PCDHA2: variants seen among roughly 807,000 people sequenced by gnomAD.
PCDHA2 encodes protocadherin alpha-2.
In PCDHA2, 58 loss-of-function variants were observed where a neutral mutation model predicts 66.0. The observed-to-expected ratio is 0.88, with a 90% confidence interval of 0.71 to 1.09. The LOEUF is 1.09. PCDHA2 is among the 50% of genes least tolerant of loss of function. PCDHA2 has a pLI of 0.00. For synonymous variants in PCDHA2, 634 were observed against 554.0 expected (o/e 1.14, Z -2.03); for missense variants, 1,267 against 1,242.3 (o/e 1.02, Z -0.30).
At chr5:140,876,044 T>G in intron 1 of PCDHA2, 2 of 1,613,884 alleles carry the variant, frequency 1.2e-6, no homozygotes, top group Non-Finnish European at 1.7e-6. Context: ...AAAAGTATAT[T>G]GCCTGAATTA....
intron 1 of PCDHA2, among the ~76,000 whole-genome samples, chr5:140,826,768 T>TA (rs1769047468): frequency 6.6e-6 from 1 of 152,046 alleles, no homozygotes; most frequent in Non-Finnish European, 1.5e-5. Context: ...TATTGGAGAG[T>TA]AATTGAAAAT....
At chr5:140,962,077 G>T (rs2095655013) in intron 1 of PCDHA2, among the ~76,000 whole-genome samples, 1 of 151,866 alleles carries the variant, frequency 6.6e-6, no homozygotes, top group South Asian at 2.1e-4. Flanking sequence ...AGTAGAGACG[G>T]GGTTTCACCA....
rs2150457668 is a variant in PCDHA2 at position 140,849,921 on chromosome 5, A to T, written c.2388+52569A>T. The T allele has an allele frequency of 1.2e-5, 19 of 1,598,094 alleles. 1 individual carries two copies. Among genetic ancestry groups the T allele is most frequent in the Non-Finnish European group, 1.5e-5 (17 of 1,167,772 alleles). Reference sequence around the variant, plus strand: ...CAACCCGCCGGGCTGCCACATCTTCACGGTGTCTGCGCGGGACGCTGACGC... The same window carrying T: ...CAACCCGCCGGGCTGCCACATCTTCTCGGTGTCTGCGCGGGACGCTGACGC... On this transcript the variant is annotated intron_variant, in intron 1 of 3. Transcript: ENST00000526136.
intron 1 of PCDHA2, among the ~76,000 whole-genome samples, chr5:140,896,536 C>CTTTT (rs34213614): frequency 1.4e-5 from 2 of 145,620 alleles, no homozygotes; most frequent in Admixed American, 6.8e-5. Context: ...AGCTATTTTT[C>CTTTT]TTTTTTTTTT....
intron 1 of PCDHA2, chr5:140,966,824 A>G (rs1463208532): frequency 1.3e-6 from 2 of 1,559,876 alleles, no homozygotes; most frequent in Admixed American, 1.9e-5. Flanking sequence ...CCGGCGGCCC[A>G]TGCCCTGGCT....
rs1022293477 is a variant in PCDHA2, at chr5:140,841,242, T to C, written c.2388+43890T>C. 4.7e-6 allele frequency: 7 copies of C among 1,492,124 alleles called. No individual in the cohort carries two copies. The Admixed American group carries it at 6.7e-5, about 14-fold the overall frequency. The allele number at this position is 1,492,124 out of a possible 1,614,324, so 92.4% of individuals were successfully genotyped here. On this transcript the variant is annotated intron_variant, in intron 1 of 3. Transcript: ENST00000526136. ...CCGAACAACGGGAGATGCAGCGGAATTGGATTAAAAGACTCTGAAAGTACA... is the reference window on the plus strand; with the variant it reads ...CCGAACAACGGGAGATGCAGCGGAACTGGATTAAAAGACTCTGAAAGTACA...
At chr5:140,803,543 C>A (rs782432564) in intron 1 of PCDHA2, 25 of 1,614,074 alleles carry the variant, frequency 1.5e-5, no homozygotes, top group Non-Finnish European at 1.9e-5. Flanking sequence ...GTCCAATTAG[C>A]CGGGATAGAG....
chr5:140,870,972 G>A, intron 1 of PCDHA2: 2 of 1,613,640 alleles, frequency 1.2e-6, no homozygotes, highest in Non-Finnish European at 1.7e-6. Flanking sequence ...CGTTCCGCGT[G>A]GGGCTGTACA....
At chr5:140,835,997 C>G (rs2150249894) in intron 1 of PCDHA2, 18 of 1,613,302 alleles carry the variant, frequency 1.1e-5, no homozygotes, top group East Asian at 4.5e-5. Context: ...TGAGCGCGCG[C>G]GATGCGGGCG....
At chr5:140,803,750 T>A (rs1211633329) in intron 1 of PCDHA2, 2 of 1,306,462 alleles carry the variant, frequency 1.5e-6, no homozygotes, top group East Asian at 4.8e-5. Flanking sequence ...GTAAGATTTT[T>A]GTTGCTAATT....
intron 3 of PCDHA2, 123 bp from the exon 4 acceptor site, chr5:141,009,504 A>G: frequency 1.3e-6 from 2 of 1,497,074 alleles, no homozygotes; most frequent in Non-Finnish European, 1.8e-6. Flanking sequence ...ACTTGAACAA[A>G]CAACTCGTGA....
At chr5:140,973,208 C>T (rs2096576751) in intron 1 of PCDHA2, among the ~76,000 whole-genome samples, 1 of 152,170 alleles carries the variant, frequency 6.6e-6, no homozygotes, top group African/African-American at 2.4e-5. Flanking sequence ...TGCATATTCA[C>T]CCTAATTCCA....
chr5:140,985,650 A>G (rs2097162504), intron 3 of PCDHA2, among the ~76,000 whole-genome samples: 2 of 151,684 alleles, frequency 1.3e-5, no homozygotes, highest in South Asian at 4.2e-4. Context: ...AACACTTGCA[A>G]TGGCTGAATA....
intron 1 of PCDHA2, chr5:140,807,687 T>C (rs782423945): frequency 1.2e-6 from 2 of 1,614,228 alleles, no homozygotes; most frequent in Non-Finnish European, 1.7e-6. Flanking sequence ...GAGAACGCCC[T>C]GCTCACTTAC....
At chr5:140,959,499 C>T (rs2095491321) in intron 1 of PCDHA2, among the ~76,000 whole-genome samples, 1 of 151,982 alleles carries the variant, frequency 6.6e-6, no homozygotes. Flanking sequence ...ATGGATCAAA[C>T]TAAAAAATTT....
intron 1 of PCDHA2, among the ~76,000 whole-genome samples, chr5:140,805,996 G>A (rs1467365068): frequency 4.6e-5 from 7 of 152,040 alleles, no homozygotes; most frequent in African/African-American, 1.7e-4. Flanking sequence ...TTCCAAAAAA[G>A]GACACACATA....
intron 1 of PCDHA2, chr5:140,803,053 G>C (rs1554122554): frequency 3.1e-6 from 5 of 1,613,966 alleles, no homozygotes; most frequent in South Asian, 1.1e-5. Flanking sequence ...GGCGGTGCGC[G>C]CATCCCGTTT....
chr5:140,873,933 T>C (rs1347981327), intron 1 of PCDHA2, among the ~76,000 whole-genome samples: 3 of 152,228 alleles, frequency 2.0e-5, no homozygotes. Context: ...AGTGCTGGGA[T>C]TACAGGTGTA....
chr5:140,805,128 G>A (rs183815562), intron 1 of PCDHA2: 3 of 1,581,214 alleles, frequency 1.9e-6, no homozygotes, highest in African/African-American at 2.7e-5. Flanking sequence ...TCTTGGCAAA[G>A]ACATTTTGAA....
Sources: allele counts gnomAD v4.1 joint callset (sites outside exome capture counted in the v4.1 genomes callset), GRCh38; gene constraint gnomAD v4.1.1; transcripts MANE v1.5; gene names NCBI Gene and HGNC (gene_info 2026-07-23, HGNC 2026-07-21).